The following LEKR1 variants were observed in gnomAD, a reference collection of about 807,000 sequenced individuals.
LEKR1 encodes the protein protein LEKR1.
In LEKR1, 59 loss-of-function variants were observed where a neutral mutation model predicts 72.4. The observed-to-expected ratio is 0.82, with a 90% CI of 0.66 to 1.01. The LOEUF is 1.01. Among genes scored for constraint, LEKR1 ranks in the 50% least tolerant of loss-of-function variants. The probability of loss-of-function intolerance (pLI) is 0.00; values close to 1 mark genes in which losing one functional copy is unlikely to be tolerated. For synonymous variants in LEKR1, 257 were observed against 263.2 expected (o/e 0.98, Z 0.23); for missense variants, 728 against 759.2 (o/e 0.96, Z 0.48).
chr3:156,834,117 C>T (rs1303018189), intron 2 of LEKR1, among the ~76,000 whole-genome samples: 1 of 151,812 alleles, frequency 6.6e-6, no homozygotes, highest in African/African-American at 2.4e-5. Flanking sequence ...CCTAAACATC[C>T]CCCCATAACT....
intron 7 of LEKR1, 59 bp downstream of exon 7, chr3:156,979,334 G>A (rs1729977004): frequency 3.8e-5 from 29 of 768,044 alleles, no homozygotes; most frequent in South Asian, 2.0e-4. Flanking sequence ...TTACAAAATG[G>A]CAAGAATTAG....
At chr3:156,861,605 G>C (rs1357999506) in intron 3 of LEKR1, among the ~76,000 whole-genome samples, 1 of 152,032 alleles carries the variant, frequency 6.6e-6, no homozygotes, top group East Asian at 1.9e-4. Flanking sequence ...AGGAACATGG[G>C]AAAGGCAGGG....
intron 3 of LEKR1, among the ~76,000 whole-genome samples, chr3:156,863,185 G>A (rs995186950): frequency 3.9e-5 from 6 of 151,974 alleles, no homozygotes; most frequent in Non-Finnish European, 7.4e-5. Context: ...AAATCCCCAG[G>A]AAGTCTAAGC....
In LEKR1 at chr3:156,980,336, A is replaced by T. The variant is rs141301028; in HGVS notation, c.827+1061A>T. 1.8e-4 allele frequency among the ~76,000 whole-genome samples: 27 copies of T among 152,318 alleles called. No homozygotes were observed. The East Asian group carries it at 5.2e-3, about 29-fold the overall frequency. ...AAAATACCCTATCAAATTAATGTAT[A>T]CTTGGATTATTTGTAACAAAATAGT... On this transcript the variant is annotated intron_variant, in intron 7 of 12. Coordinates refer to ENST00000356539, the MANE Select transcript of LEKR1 (RefSeq NM_001004316.3).
intron 3 of LEKR1, among the ~76,000 whole-genome samples, chr3:156,884,594 T>C (rs1183727753): frequency 1.3e-5 from 2 of 152,230 alleles, no homozygotes; most frequent in Non-Finnish European, 2.9e-5. Context: ...TTCAGGAAGC[T>C]AAAGATGGGA....
chr3:156,966,414 C>A (rs1430601478), intron 6 of LEKR1, among the ~76,000 whole-genome samples: 3 of 152,162 alleles, frequency 2.0e-5, no homozygotes, highest in Non-Finnish European at 4.4e-5. Context: ...CCTGGAAAAT[C>A]GTGTCACTTC....
intron 6 of LEKR1, among the ~76,000 whole-genome samples, chr3:156,960,038 G>A (rs1727977444): frequency 6.6e-6 from 1 of 152,092 alleles, no homozygotes; most frequent in African/African-American, 2.4e-5. Flanking sequence ...TTAGGCAGGT[G>A]ACTCTGACAT....
At chr3:156,924,612 T>C in intron 4 of LEKR1, 1 of 578,458 alleles carries the variant, frequency 1.7e-6, no homozygotes, top group Non-Finnish European at 3.1e-6. Context: ...ATGATCTATT[T>C]CAGCTAACTT....
chr3:156,911,260 TCTCAAAAA>T (rs1723082055), intron 3 of LEKR1, among the ~76,000 whole-genome samples: 6 of 147,186 alleles, frequency 4.1e-5, no homozygotes, highest in East Asian at 4.1e-4. Context: ...AAATATTTTT[TCTCAAAAA>T]ATTTTCTTTG....
chr3:156,907,443 G>A (rs1722633860), intron 3 of LEKR1, among the ~76,000 whole-genome samples: 1 of 151,848 alleles, frequency 6.6e-6, no homozygotes, highest in Non-Finnish European at 1.5e-5. Flanking sequence ...TATTCCATAG[G>A]ACCATAGGTT....
intron 3 of LEKR1, among the ~76,000 whole-genome samples, chr3:156,891,363 TTAG>T (rs1192629492): frequency 6.6e-6 from 1 of 152,170 alleles, no homozygotes; most frequent in Non-Finnish European, 1.5e-5. Flanking sequence ...TAATAAATTA[TTAG>T]TACTTCAGAA....
chr3:157,031,528 C>A (rs908218225), intron 12 of LEKR1, among the ~76,000 whole-genome samples: 1 of 151,980 alleles, frequency 6.6e-6, no homozygotes. Flanking sequence ...GCTAAGCATG[C>A]CAGAGTCCAA....
chr3:156,990,036 A>G (rs1361857212), intron 7 of LEKR1, among the ~76,000 whole-genome samples: 1 of 152,224 alleles, frequency 6.6e-6, no homozygotes, highest in African/African-American at 2.4e-5. Context: ...CTTCTAGTAC[A>G]GGATCCAATC....
intron 6 of LEKR1, among the ~76,000 whole-genome samples, chr3:156,957,000 T>A (rs531148661): frequency 6.6e-6 from 1 of 152,192 alleles, no homozygotes; most frequent in South Asian, 2.1e-4. Context: ...CTTCATTTGG[T>A]GACATAAGTT....
At chr3:156,875,945 A>G (rs969932495) in intron 3 of LEKR1, among the ~76,000 whole-genome samples, 2 of 150,352 alleles carry the variant, frequency 1.3e-5, no homozygotes, top group African/African-American at 4.9e-5. Flanking sequence ...CAGTGAGCCA[A>G]GATCGCACCA....
chr3:156,938,142 A>AACAC (rs139273691), intron 5 of LEKR1, among the ~76,000 whole-genome samples: 7 of 149,608 alleles, frequency 4.7e-5, no homozygotes, highest in African/African-American at 9.8e-5. Context: ...ATGGAACTGT[A>AACAC]ACACACACAC....
At chr3:156,894,119 T>G (rs989158957) in intron 3 of LEKR1, among the ~76,000 whole-genome samples, 5 of 152,204 alleles carry the variant, frequency 3.3e-5, no homozygotes, top group Admixed American at 3.3e-4. Context: ...AGACTTCATC[T>G]TGGTCAGGAG....
chr3:156,866,806 A>G (rs1717360667), intron 3 of LEKR1, among the ~76,000 whole-genome samples: 1 of 151,910 alleles, frequency 6.6e-6, no homozygotes, highest in Non-Finnish European at 1.5e-5. Context: ...AGTAGATTAT[A>G]AACTACTGGA....
chr3:156,984,292 A>G (rs1487720983), intron 7 of LEKR1, among the ~76,000 whole-genome samples: 3 of 152,126 alleles, frequency 2.0e-5, no homozygotes, highest in African/African-American at 7.2e-5. Context: ...TACACTTTGG[A>G]TATATTTATT....
Sources: gnomAD v4.1 joint callset for allele counts (sites outside exome capture counted in the v4.1 genomes callset) on GRCh38, gnomAD v4.1.1 for gene constraint, MANE v1.5 for transcripts, NCBI Gene and HGNC (gene_info 2026-07-23, HGNC 2026-07-21) for gene names.